The following PACS2 variants were observed in gnomAD, a reference collection of about 807,000 sequenced individuals.
PACS2 encodes phosphofurin acidic cluster sorting protein 2.
In PACS2, 36 loss-of-function variants were observed where a neutral mutation model predicts 113.0. The ratio of observed to expected loss-of-function variants is 0.32; its 90% confidence interval spans 0.24 to 0.42. The LOEUF is 0.42. PACS2 is among the 10% of genes least tolerant of loss of function. The pLI is 1.00. For missense variants in PACS2, 1,015 were observed against 1,239.5 expected, an observed-to-expected ratio of 0.82 and a Z score of 2.72; for synonymous variants, 589 against 536.1, an observed-to-expected ratio of 1.10 and a Z score of -1.36.
chr14:105,334,294 A>C (rs970134519), intron 1 of PACS2, among the ~76,000 whole-genome samples: 5 of 152,232 alleles, frequency 3.3e-5, no homozygotes, highest in African/African-American at 1.2e-4. Context: ...CACAGACCCC[A>C]CCTGACTCCA....
chr14:105,362,225 T>A (rs201326347), intron 4 of PACS2, among the ~76,000 whole-genome samples: 1 of 150,842 alleles, frequency 6.6e-6, no homozygotes, highest in Non-Finnish European at 1.5e-5. Flanking sequence ...AAGACCATCC[T>A]GGCTAACACA....
intron 17 of PACS2, among the ~76,000 whole-genome samples, 180 bp from the exon 18 acceptor site, chr14:105,384,699 A>G (rs1270350277): frequency 6.6e-6 from 1 of 152,072 alleles, no homozygotes. Context: ...AGGTCTTCCC[A>G]CGCTTGCCCT....
rs182353001 is a variant in PACS2, at chr14:105,352,521, G to A, written c.297+54G>A. 3.6e-4 allele frequency: 404 copies of A among 1,107,726 alleles called. 2 individuals are homozygous for A. The African/African-American group carries it at 5.3e-3, about 15-fold the overall frequency. The allele number at this position is 1,107,726 out of a possible 1,614,324, so 68.6% of individuals were successfully genotyped here. On this transcript the variant is annotated intron_variant, in intron 3 of 24. Transcript: ENST00000447393. ...CCTCATCACTGTCCCCTGGGGAGAC[G>A]GGCCCCCCTCATCACTGTCCCCTGG...
intron 4 of PACS2, among the ~76,000 whole-genome samples, chr14:105,362,127 A>C (rs1373524157): frequency 4.6e-5 from 7 of 151,536 alleles, no homozygotes; most frequent in Admixed American, 1.3e-4. Flanking sequence ...TGTCTCAAAA[A>C]AAAAGAATGG....
In PACS2 at chr14:105,348,799, G is replaced by A; in HGVS notation, c.207+219G>A. 1.9e-6 allele frequency: 1 copy of A among 528,926 alleles called. No individual in the cohort carries two copies. Among genetic ancestry groups the A allele is most frequent in the Non-Finnish European group, 3.4e-6 (1 of 293,140 alleles). The allele number at this position is 528,926 out of a possible 1,614,324, so 32.8% of individuals were successfully genotyped here. On this transcript the variant is annotated intron_variant, in intron 2 of 24. Coordinates refer to ENST00000447393, the MANE Select transcript of PACS2 (RefSeq NM_001100913.3). The surrounding 1 kb of genome is among the most constrained non-coding windows in gnomAD (Gnocchi z 6.4). ...CAGGCCCGGCCTTCTGGGATGTGGA[G>A]GTCACATGCATGGGGCCTTCCCAGG...
rs2060521257 is a variant in PACS2, at chr14:105,357,988, A to T, written c.423+2811A>T. On this transcript the variant is annotated intron_variant, in intron 4 of 24. Transcript: ENST00000447393. The surrounding 1 kb of genome is among the most constrained non-coding windows in gnomAD (Gnocchi z 5.1). ...AGGATGTGGGGGGCACCTGCCCAGG[A>T]CCTCCAGGCTGTGGGGAGACCAGGA... Among the ~76,000 whole-genome samples, 1 of 152,078 alleles carries T rather than the reference A, an allele frequency of 6.6e-6. No individual in the cohort carries two copies. Among genetic ancestry groups the T allele is most frequent in the East Asian group, 1.9e-4 (1 of 5,152 alleles).
chr14:105,380,571 C>G (rs1037378107), intron 11 of PACS2, among the ~76,000 whole-genome samples: 1 of 151,636 alleles, frequency 6.6e-6, no homozygotes, highest in African/African-American at 2.4e-5. Flanking sequence ...CTCACCCTAC[C>G]TTCAGGGTCA....
In PACS2 at chr14:105,376,863, C is replaced by T. The variant is rs4074003; in HGVS notation, c.897C>T (p.Ser299=). ...ACACCCTGGACATGGAGCACCCCAG[C>T]GACAGCGGCCCCGACATGGAGGATG... ...LYDTLDMEHP[S]DSGPDMEDDD... is the part of the protein sequence containing the mutation. The change falls in exon 9 of 25, where the codon AGC becomes AGT. Residue 299 remains serine (S), a synonymous_variant. Coordinates refer to ENST00000447393, the MANE Select transcript of PACS2 (RefSeq NM_001100913.3). The surrounding 1 kb of genome is among the most constrained non-coding windows in gnomAD (Gnocchi z 4.7). 4,258 of 1,613,084 alleles carry T rather than the reference C, an allele frequency of 2.6e-3. 114 individuals are homozygous for T. The African/African-American group carries it at 0.05, about 19-fold the overall frequency.
chr14:105,355,904 C>T lies in PACS2; in HGVS notation c.423+727C>T, dbSNP rs1235762418. Among the ~76,000 whole-genome samples the T allele has an allele frequency of 6.6e-6, 1 of 152,144 alleles. No individual in the cohort carries two copies. Among genetic ancestry groups the T allele is most frequent in the African/African-American group, 2.4e-5 (1 of 41,442 alleles). On this transcript the variant is annotated intron_variant, in intron 4 of 24. Coordinates refer to ENST00000447393, the MANE Select transcript of PACS2 (RefSeq NM_001100913.3). This position sits in a 1 kb window ranked among gnomAD's most constrained non-coding sequence, Gnocchi z 4.1. ...GAAGGGGCAGCCCAGGGCCCCAGAC[C>T]AGTTTGTCTCTTTTGCTTCAGAACT...
At chr14:105,305,416 CAAGAAAA>C (rs1487917040) in intron 1 of PACS2, among the ~76,000 whole-genome samples, 1 of 150,988 alleles carries the variant, frequency 6.6e-6, no homozygotes, top group Non-Finnish European at 1.5e-5. Context: ...AAAAAAGAAA[CAAGAAAA>C]AAGAAAAAAC....
Position 105,383,425 on chromosome 14 carries a change from C to T in PACS2, c.1692C>T (p.Leu564=). ...KIAVAGAQHY[L]SAILRLFVEQ... ...CCGTGGCGGGAGCGCAGCATTACCT[C>T]AGTGCCATCCTGCGGCTCTTTGTGG... Residue 564 remains leucine (L), a synonymous_variant, in exon 16 of 25, where the codon CTC becomes CTT. Coordinates refer to ENST00000447393, the MANE Select transcript of PACS2 (RefSeq NM_001100913.3). 2 of 1,609,578 alleles carry T rather than the reference C, an allele frequency of 1.2e-6. No homozygotes were observed. Among genetic ancestry groups the T allele is most frequent in the Non-Finnish European group, 1.7e-6 (2 of 1,179,840 alleles).
chr14:105,342,123 G>T (rs2059749516), intron 1 of PACS2, among the ~76,000 whole-genome samples: 1 of 152,170 alleles, frequency 6.6e-6, no homozygotes, highest in Non-Finnish European at 1.5e-5. Context: ...CTCCCCAAAT[G>T]CCTCTTGTGG....
At chr14:105,351,384 T>C (rs1250413236) in intron 2 of PACS2, among the ~76,000 whole-genome samples, 1 of 152,252 alleles carries the variant, frequency 6.6e-6, no homozygotes, top group Non-Finnish European at 1.5e-5. Flanking sequence ...TGAAGCTCAC[T>C]GGGTATGAAC....
rs1272788056 is a variant in PACS2, at chr14:105,398,053, T to C, written c.*3381T>C. On this transcript the variant is annotated 3_prime_UTR_variant, in exon 25 of 25. Coordinates refer to ENST00000447393, the MANE Select transcript of PACS2 (RefSeq NM_001100913.3). ...TAATGAAACCCTGGATTAATGTAAA[T>C]AGCTTTTTGGGGAACGGATTCTAAT... 9 of 152,228 alleles carry C rather than the reference T, an allele frequency of 5.9e-5. No homozygotes were observed. Among genetic ancestry groups the C allele is most frequent in the Non-Finnish European group, 5.9e-5 (4 of 68,034 alleles). 9.4% of individuals were successfully genotyped at this position (152,228 alleles called of 1,614,324 possible).
intron 4 of PACS2, among the ~76,000 whole-genome samples, chr14:105,364,814 A>G (rs1269143718): frequency 6.8e-6 from 1 of 147,778 alleles, no homozygotes; most frequent in Admixed American, 6.9e-5. Flanking sequence ...CTCCCACCTC[A>G]GTCCTCAAGT....
Position 105,323,037 on chromosome 14 carries a change from G to A in PACS2, c.119+8000G>A, listed in dbSNP as rs774950270. Among the ~76,000 whole-genome samples, 29 of 152,160 alleles carry A rather than the reference G, an allele frequency of 1.9e-4. No homozygotes were observed. Among genetic ancestry groups the A allele is most frequent in the Admixed American group, 5.2e-4 (8 of 15,286 alleles). On this transcript the variant is annotated intron_variant, in intron 1 of 24. Coordinates refer to ENST00000447393, the MANE Select transcript of PACS2 (RefSeq NM_001100913.3). The surrounding 1 kb of genome is among the most constrained non-coding windows in gnomAD (Gnocchi z 4.1). The stretch of plus-strand genomic sequence containing the variant: ...TCCAGCTTTGCTGTAAGAGGTCAGC[G>A]GCCGTGACAGGCTGGAGGGAGACGT...
rs144755655 is a variant in PACS2 at position 105,323,310 on chromosome 14, T to A, written c.119+8273T>A. On this transcript the variant is annotated intron_variant, in intron 1 of 24. Transcript: ENST00000447393. The surrounding 1 kb of genome is among the most constrained non-coding windows in gnomAD (Gnocchi z 4.1). Reference sequence around the variant, plus strand: ...CTTCCTGCCGGATCCTCCACATCCATAGATGCACTGGGTGGTGTCAGTGGG... The same window carrying A: ...CTTCCTGCCGGATCCTCCACATCCAAAGATGCACTGGGTGGTGTCAGTGGG... Among the ~76,000 whole-genome samples, 37 of 152,174 alleles carry A rather than the reference T, an allele frequency of 2.4e-4. No individual in the cohort carries two copies. The highest frequency in any genetic ancestry group is 8.9e-4 in the African/African-American group (37 of 41,452).
intron 1 of PACS2, among the ~76,000 whole-genome samples, chr14:105,345,152 A>G (rs1436929124): frequency 4.0e-5 from 6 of 151,726 alleles, no homozygotes; most frequent in Non-Finnish European, 8.8e-5. Flanking sequence ...CAACGCCTGT[A>G]ATCCCAGCAC....
At chr14:105,389,823 G>A in intron 19 of PACS2, 138 bp from the exon 20 acceptor site, 1 of 787,354 alleles carries the variant, frequency 1.3e-6, no homozygotes, top group South Asian at 1.4e-5. Flanking sequence ...GACACACAGG[G>A]CAGGGCTGTC....
Sources: allele counts gnomAD v4.1 joint callset (sites outside exome capture counted in the v4.1 genomes callset), GRCh38; gene constraint gnomAD v4.1.1; non-coding constraint Gnocchi (gnomAD v3.1); transcripts MANE v1.5; gene names NCBI Gene and HGNC (gene_info 2026-07-23, HGNC 2026-07-21).